The following MAP4K3 variants were observed in gnomAD, a reference collection of about 807,000 sequenced individuals.
MAP4K3 encodes mitogen-activated protein kinase kinase kinase kinase 3, also known as MAPK/ERK kinase kinase kinase 3.
In MAP4K3, 94 loss-of-function variants were observed where a neutral mutation model predicts 143.5. The observed-to-expected ratio is 0.65, with a 90% confidence interval of 0.55 to 0.78. The LOEUF is 0.78. Among genes scored for constraint, MAP4K3 ranks in the 30% least tolerant of loss-of-function variants. The pLI is 0.00. For synonymous variants in MAP4K3, 416 were observed against 347.2 expected (o/e 1.20, Z -2.20); for missense variants, 1,077 against 1,068.1 (o/e 1.01, Z -0.12).
At chr2:39,364,093 A>G (rs1441356426) in intron 2 of MAP4K3, among the ~76,000 whole-genome samples, 2 of 152,118 alleles carry the variant, frequency 1.3e-5, no homozygotes, top group African/African-American at 4.8e-5. Context: ...GCCACTATGG[A>G]AAACAGTACA....
intron 1 of MAP4K3, among the ~76,000 whole-genome samples, chr2:39,400,454 T>A (rs1370853570): frequency 2.0e-5 from 3 of 152,218 alleles, no homozygotes; most frequent in East Asian, 3.9e-4. Flanking sequence ...TCTTGGGTGT[T>A]CTTACCAGGT....
chr2:39,402,709 G>A (rs773058638), intron 1 of MAP4K3, among the ~76,000 whole-genome samples: 2 of 151,540 alleles, frequency 1.3e-5, no homozygotes, highest in Non-Finnish European at 2.9e-5. Flanking sequence ...ACCAAAAATT[G>A]GGTCTTTGAG....
chr2:39,259,938 G>A (rs1476746339), intron 29 of MAP4K3, among the ~76,000 whole-genome samples: 3 of 152,074 alleles, frequency 2.0e-5, no homozygotes, highest in Non-Finnish European at 4.4e-5. Flanking sequence ...AACAACCCAG[G>A]TGTATACCTC....
intron 2 of MAP4K3, among the ~76,000 whole-genome samples, chr2:39,373,815 G>A (rs925299829): frequency 3.9e-5 from 6 of 152,192 alleles, no homozygotes; most frequent in Non-Finnish European, 8.8e-5. Context: ...TGGTGGGGGG[G>A]TAGAAGGGAT....
chr2:39,375,564 T>C, intron 2 of MAP4K3, among the ~76,000 whole-genome samples: 1 of 152,230 alleles, frequency 6.6e-6, no homozygotes, highest in East Asian at 1.9e-4. Context: ...GTAGGTCTTA[T>C]TAATAAAGAA....
chr2:39,415,094 C>T (rs1667335930), intron 1 of MAP4K3, among the ~76,000 whole-genome samples: 1 of 152,106 alleles, frequency 6.6e-6, no homozygotes, highest in Non-Finnish European at 1.5e-5. Flanking sequence ...GGTTCACAAC[C>T]AGATTTTCTT....
chr2:39,272,290 G>A lies in MAP4K3; in HGVS notation c.1966C>T (p.Leu656=). 1 of 1,608,102 alleles carries A rather than the reference G, an allele frequency of 6.2e-7. No homozygotes were observed. Among genetic ancestry groups the A allele is most frequent in the Non-Finnish European group, 8.5e-7 (1 of 1,174,642 alleles). ...CTAAGGATGTACCCTTACCTTGGCA[G>A]TATTCTGTCAGGGAGTTTGTGTGCT... ...IPAHKLPDRI[L]PRKFSVSAKI... is the part of the protein sequence containing the mutation. Residue 656 remains leucine (L), a synonymous_variant, in exon 26 of 34, where the codon CTG becomes TTG. Coordinates refer to ENST00000263881, the MANE Select transcript of MAP4K3 (RefSeq NM_003618.4).
chr2:39,369,378 C>T (rs1666019106), intron 2 of MAP4K3, among the ~76,000 whole-genome samples: 1 of 151,770 alleles, frequency 6.6e-6, no homozygotes, highest in South Asian at 2.1e-4. Context: ...AACTCCTGAC[C>T]TCAGCTGATC....
intron 12 of MAP4K3, among the ~76,000 whole-genome samples, chr2:39,319,596 T>C (rs1683236368): frequency 6.6e-6 from 1 of 152,338 alleles, no homozygotes; most frequent in East Asian, 1.9e-4. Flanking sequence ...TTAATGATAG[T>C]AAAATCTCAA....
intron 1 of MAP4K3, among the ~76,000 whole-genome samples, chr2:39,388,964 T>C (rs945215070): frequency 6.6e-6 from 1 of 152,018 alleles, no homozygotes; most frequent in Admixed American, 6.6e-5. Context: ...ACCAGAGCAG[T>C]AAAAACTATG....
chr2:39,327,284 AT>A (rs1315814553), intron 8 of MAP4K3, among the ~76,000 whole-genome samples: 1 of 152,136 alleles, frequency 6.6e-6, no homozygotes, highest in Non-Finnish European at 1.5e-5. Context: ...CTTATTTGGC[AT>A]TTTTTCTAGT....
At chr2:39,405,704 C>T (rs1667075596) in intron 1 of MAP4K3, among the ~76,000 whole-genome samples, 1 of 151,978 alleles carries the variant, frequency 6.6e-6, no homozygotes, top group Non-Finnish European at 1.5e-5. Context: ...GCCGTGTCTA[C>T]AAAAAATACA....
intron 3 of MAP4K3, among the ~76,000 whole-genome samples, chr2:39,346,840 T>C (rs916641935): frequency 6.6e-6 from 1 of 152,168 alleles, no homozygotes; most frequent in African/African-American, 2.4e-5. Context: ...TCTCTGCCTC[T>C]GCCTGAGATA....
chr2:39,332,977 T>A (rs905553515), intron 7 of MAP4K3, among the ~76,000 whole-genome samples: 12 of 152,234 alleles, frequency 7.9e-5, no homozygotes, highest in African/African-American at 2.9e-4. Flanking sequence ...CATAAAACTA[T>A]AACGAACACT....
chr2:39,366,590 C>T (rs2148565665), intron 2 of MAP4K3, among the ~76,000 whole-genome samples: 1 of 152,282 alleles, frequency 6.6e-6, no homozygotes, highest in Middle Eastern at 3.4e-3. Context: ...TCCATCATGG[C>T]CTGAATTTTT....
At chr2:39,405,056 C>A (rs1667057914) in intron 1 of MAP4K3, among the ~76,000 whole-genome samples, 1 of 152,186 alleles carries the variant, frequency 6.6e-6, no homozygotes, top group African/African-American at 2.4e-5. Context: ...ATTACAGATA[C>A]CTAGGGTCTT....
At chr2:39,432,908 C>T (rs140066030) in intron 1 of MAP4K3, among the ~76,000 whole-genome samples, 1 of 151,960 alleles carries the variant, frequency 6.6e-6, no homozygotes, top group Non-Finnish European at 1.5e-5. Flanking sequence ...TCCAAACACA[C>T]AAAGGTGAAA....
In MAP4K3 at chr2:39,409,052, C is replaced by T. The variant is rs566440247; in HGVS notation, c.96+27840G>A. 5.9e-5 allele frequency among the ~76,000 whole-genome samples: 9 copies of T among 152,294 alleles called. No individual in the cohort carries two copies. The South Asian group carries it at 1.2e-3, about 21-fold the overall frequency. On this transcript the variant is annotated intron_variant, in intron 1 of 33. Transcript: ENST00000263881. ...TGCCTGCCTCTTCTGTCTTTCCTTT[C>T]ACTTCTGCCACCCTGACAGCAAAAC... is the stretch of plus-strand genomic sequence containing the variant.
chr2:39,317,116 C>T (rs1683136396), intron 12 of MAP4K3, among the ~76,000 whole-genome samples: 1 of 152,078 alleles, frequency 6.6e-6, no homozygotes, highest in African/African-American at 2.4e-5. Flanking sequence ...CATACATCTA[C>T]AACCATCTGA....
Sources: allele counts gnomAD v4.1 joint callset (sites outside exome capture counted in the v4.1 genomes callset), GRCh38; gene constraint gnomAD v4.1.1; transcripts MANE v1.5; gene names NCBI Gene and HGNC (gene_info 2026-07-23, HGNC 2026-07-21).